Variants in IGF1R observed in about 807,000 individuals in gnomAD.
IGF1R encodes insulin like growth factor 1 receptor, also known as insulin-like growth factor 1 receptor.
In IGF1R, 44 loss-of-function variants were observed where a neutral mutation model predicts 144.6. That is an observed-to-expected ratio of 0.30 (90% confidence interval 0.24 to 0.39). The LOEUF is 0.39. Among genes scored for constraint, IGF1R ranks in the 10% least tolerant of loss-of-function variants. The pLI, the probability that IGF1R is intolerant of heterozygous loss-of-function variation, is 1.00. For missense variants in IGF1R, 1,355 were observed against 1,833.7 expected, an observed-to-expected ratio of 0.74 and a Z score of 4.77; for synonymous variants, 795 against 722.8, an observed-to-expected ratio of 1.10 and a Z score of -1.60.
chr15:98,748,534 T>C (rs748329737), intron 2 of IGF1R, among the ~76,000 whole-genome samples: 30 of 152,224 alleles, frequency 2.0e-4, no homozygotes, highest in Non-Finnish European at 2.9e-5. Flanking sequence ...TTAGCAATTA[T>C]GTGTAAAGTG....
intron 2 of IGF1R, among the ~76,000 whole-genome samples, chr15:98,808,340 C>A (rs2056510134): frequency 1.3e-5 from 2 of 152,186 alleles, no homozygotes; most frequent in Admixed American, 6.5e-5. Context: ...TTATCCTCTT[C>A]AAAAATGTTT....
intron 1 of IGF1R, among the ~76,000 whole-genome samples, chr15:98,676,121 C>T (rs1034976502): frequency 2.6e-5 from 4 of 151,952 alleles, no homozygotes; most frequent in Non-Finnish European, 2.9e-5. Context: ...TGAGCCACTG[C>T]GCCCAGCCTA....
intron 8 of IGF1R, among the ~76,000 whole-genome samples, chr15:98,914,833 C>G (rs1183970601): frequency 6.6e-6 from 1 of 152,114 alleles, no homozygotes; most frequent in Non-Finnish European, 1.5e-5. Flanking sequence ...TGACACCTAT[C>G]GTAAGAATGT....
intron 1 of IGF1R, among the ~76,000 whole-genome samples, chr15:98,661,731 C>A (rs2052603004): frequency 6.6e-6 from 1 of 152,200 alleles, no homozygotes; most frequent in African/African-American, 2.4e-5. Context: ...GTGTCTCTGC[C>A]TGTGATTGGA....
intron 8 of IGF1R, among the ~76,000 whole-genome samples, chr15:98,915,663 T>C (rs1490290762): frequency 3.9e-5 from 6 of 152,248 alleles, no homozygotes; most frequent in South Asian, 2.1e-4. Flanking sequence ...GAATTAGCTG[T>C]AGATTTTCAC....
In IGF1R at chr15:98,939,357, G is replaced by A. The variant is rs1596472892; in HGVS notation, c.3454G>A (p.Gly1152Arg). The change falls in exon 18 of 21, where the codon GGA (glycine) becomes AGA (arginine). Residue 1152 changes from glycine to arginine, a missense_variant. Coordinates refer to ENST00000650285, the MANE Select transcript of IGF1R (RefSeq NM_000875.5). ...MVAEDFTVKI[G>R]DFGMTRDIYE... ...AGCCGAAGATTTCACAGTCAAAATC[G>A]GAGGTGTGTCCTTAGCTTTCCAGGT... 1 of 1,614,038 alleles carries A rather than the reference G, an allele frequency of 6.2e-7. No individual in the cohort carries two copies. The highest frequency in any genetic ancestry group is 8.5e-7 in the Non-Finnish European group (1 of 1,179,972).
Position 98,963,516 on chromosome 15 carries a change from C to G in IGF1R, c.*6074C>G, listed in dbSNP as rs1231089278. On this transcript the variant is annotated 3_prime_UTR_variant, in exon 21 of 21. Coordinates refer to ENST00000650285, the MANE Select transcript of IGF1R (RefSeq NM_000875.5). ...ATGGAAACAGCCGAGGTGTTGGAGC[C>G]CAGCAGTGCATGGCACCGTTCGGCA... 2 of 233,146 alleles carry G rather than the reference C, an allele frequency of 8.6e-6. No individual in the cohort carries two copies. The highest frequency in any genetic ancestry group is 1.7e-5 in the Non-Finnish European group (2 of 118,066). The allele number at this position is 233,146 out of a possible 1,614,324, so 14.4% of individuals were successfully genotyped here.
At chr15:98,919,972 A>G (rs796607860) in intron 10 of IGF1R, among the ~76,000 whole-genome samples, 13 of 152,350 alleles carry the variant, frequency 8.5e-5, no homozygotes, top group African/African-American at 3.1e-4. Flanking sequence ...AATATCCTGT[A>G]TGTTTTGAAG....
intron 11 of IGF1R, 117 bp downstream of exon 11, chr15:98,922,548 C>T (rs2151691428): frequency 8.0e-7 from 1 of 1,257,158 alleles, no homozygotes; most frequent in Non-Finnish European, 1.1e-6. Flanking sequence ...CCAGGCCTGC[C>T]TGCTAAATAA....
intron 2 of IGF1R, among the ~76,000 whole-genome samples, chr15:98,802,207 C>T (rs986643443): frequency 6.6e-6 from 1 of 152,176 alleles, no homozygotes; most frequent in African/African-American, 2.4e-5. Flanking sequence ...AGGATTCGAT[C>T]ACTGTTTATA....
intron 1 of IGF1R, among the ~76,000 whole-genome samples, chr15:98,658,721 C>G (rs2052537755): frequency 6.6e-6 from 1 of 152,166 alleles, no homozygotes; most frequent in African/African-American, 2.4e-5. Context: ...ATTTCCCTAA[C>G]TTGTATAGAT....
In IGF1R at chr15:98,764,294, A is replaced by G. The variant is rs1202546644; in HGVS notation, c.640+56187A>G. On this transcript the variant is annotated intron_variant, in intron 2 of 20. Coordinates refer to ENST00000650285, the MANE Select transcript of IGF1R (RefSeq NM_000875.5). ...TATAATGGAATGGAGTAATATTCAC[A>G]AACAGGCTTTGGCAGGATTTTTTTT... Among the ~76,000 whole-genome samples, 3 of 152,232 alleles carry G rather than the reference A, an allele frequency of 2.0e-5. 1 individual carries two copies. The highest frequency in any genetic ancestry group is 6.5e-5 in the Admixed American group (1 of 15,284).
Position 98,963,132 on chromosome 15 carries a change from ATGTT to A in IGF1R, c.*5694_*5697del, listed in dbSNP as rs1306253383. The A allele has an allele frequency of 3.0e-5, 7 of 233,178 alleles. No individual in the cohort carries two copies. In the South Asian group the frequency reaches 1.1e-3, roughly 36 times the overall value. 14.4% of individuals were successfully genotyped at this position (233,178 alleles called of 1,614,324 possible). On this transcript the variant is annotated 3_prime_UTR_variant, in exon 21 of 21. Transcript: ENST00000650285. ...TGTAAGAACAGAATAATTTTATAAA[ATGTT>A]TGTAGTTTATAATTGCCGAAAATAA...
chr15:98,667,018 A>G (rs2052759429), intron 1 of IGF1R, among the ~76,000 whole-genome samples: 2 of 152,194 alleles, frequency 1.3e-5, no homozygotes, highest in South Asian at 2.1e-4. Flanking sequence ...TGGCGGTCCT[A>G]GGTACCACGG....
intron 2 of IGF1R, among the ~76,000 whole-genome samples, chr15:98,886,777 A>G (rs1179832898): frequency 6.6e-6 from 1 of 152,142 alleles, no homozygotes; most frequent in Non-Finnish European, 1.5e-5. Flanking sequence ...ATTTATATAC[A>G]TTGAGATGAG....
At chr15:98,925,827 C>CT (rs2015693853) in intron 13 of IGF1R, among the ~76,000 whole-genome samples, 1 of 152,176 alleles carries the variant, frequency 6.6e-6, no homozygotes, top group South Asian at 2.1e-4. Flanking sequence ...TCTCTTGAAC[C>CT]TGGGAGGCAG....
intron 2 of IGF1R, among the ~76,000 whole-genome samples, chr15:98,799,987 T>G (rs1016126380): frequency 6.6e-6 from 1 of 152,238 alleles, no homozygotes; most frequent in African/African-American, 2.4e-5. Flanking sequence ...TCTGTTCTTA[T>G]GTAATTCTTG....
chr15:98,923,691 G>A (rs2015586845), intron 11 of IGF1R, 185 bp from the exon 12 acceptor site: 1 of 611,702 alleles, frequency 1.6e-6, no homozygotes, highest in Non-Finnish European at 2.9e-6. Context: ...GCCCGCTCAG[G>A]GGCAGTGTAC....
Position 98,961,251 on chromosome 15 carries a change from G to A in IGF1R, c.*3809G>A, listed in dbSNP as rs1421561877. On this transcript the variant is annotated 3_prime_UTR_variant, in exon 21 of 21. Coordinates refer to ENST00000650285, the MANE Select transcript of IGF1R (RefSeq NM_000875.5). ...ACATACCTACCGGTTTCCACAACTG[G>A]ATTTCTACAGATCATTCAGCTGGTT... 7 of 233,532 alleles carry A rather than the reference G, an allele frequency of 3.0e-5. No individual in the cohort carries two copies. In the East Asian group the frequency reaches 3.6e-4, roughly 12 times the overall value. The allele number at this position is 233,532 out of a possible 1,614,324, so 14.5% of individuals were successfully genotyped here. A position where few individuals can be genotyped will look rare whatever the true frequency, so the allele number is the denominator to read the frequency against.
Sources: allele counts gnomAD v4.1 joint callset (sites outside exome capture counted in the v4.1 genomes callset), GRCh38; gene constraint gnomAD v4.1.1; transcripts MANE v1.5; gene names NCBI Gene and HGNC (gene_info 2026-07-23, HGNC 2026-07-21).